PCDHA6: variants seen among roughly 807,000 people sequenced by gnomAD.
The protein encoded by PCDHA6 is protocadherin alpha-6.
In PCDHA6, 55 loss-of-function variants were observed where a neutral mutation model predicts 60.3. The ratio of observed to expected loss-of-function variants is 0.91; its 90% CI spans 0.73 to 1.14. The LOEUF is 1.14. Ranked by LOEUF, PCDHA6 falls within the 50% of genes most tolerant of loss-of-function variation. The pLI is 0.00. For missense variants in PCDHA6, 1,327 were observed against 1,256.5 expected (o/e 1.06, Z -0.85); for synonymous variants, 652 against 557.9 (o/e 1.17, Z -2.38).
intron 1 of PCDHA6, among the ~76,000 whole-genome samples, chr5:140,938,177 C>A (rs1165477047): frequency 6.6e-6 from 1 of 152,110 alleles, no homozygotes; most frequent in African/African-American, 2.4e-5. Flanking sequence ...AGCTCCTGGG[C>A]TCAAGCAATC....
intron 1 of PCDHA6, among the ~76,000 whole-genome samples, chr5:140,897,478 G>T (rs1554187409): frequency 1.3e-5 from 2 of 151,844 alleles, no homozygotes; most frequent in African/African-American, 4.8e-5. Flanking sequence ...TGAGAATGAT[G>T]ATTTCCAATT....
At position 140,843,480 on chromosome 5, in the gene PCDHA6, C is replaced by A. The variant is rs2150360983; in HGVS notation, c.2394+12995C>A. 13 of 1,596,024 alleles carry A rather than the reference C, an allele frequency of 8.1e-6. 2 individuals carry two copies. The highest frequency in any genetic ancestry group is 1.1e-5 in the South Asian group (1 of 90,492). On this transcript the variant is annotated intron_variant, in intron 1 of 3. Coordinates refer to ENST00000529310, the MANE Select transcript of PCDHA6 (RefSeq NM_018909.4). Reference sequence around the variant, plus strand: ...GTGCTCACGCTGCTGCTGTACACTGCGCTGCGGTGCTCAGCACTGCCCACT... The same window carrying A: ...GTGCTCACGCTGCTGCTGTACACTGAGCTGCGGTGCTCAGCACTGCCCACT...
intron 1 of PCDHA6, among the ~76,000 whole-genome samples, chr5:140,838,075 ATAGTGTGTGTGTGTGTGTGTGTGTGTGT>A (rs1454166175): frequency 1.6e-5 from 2 of 128,136 alleles, no homozygotes; most frequent in Non-Finnish European, 3.3e-5. Flanking sequence ...TTATATATAT[ATAGTGTGTGTGTGTGTGTGTGTGTGTGT>A]GTGTGTGTGT....
intron 1 of PCDHA6, among the ~76,000 whole-genome samples, chr5:140,974,086 A>G (rs1554235813): frequency 2.6e-5 from 4 of 152,256 alleles, no homozygotes; most frequent in Non-Finnish European, 5.9e-5. Context: ...CATGACTTCA[A>G]AAATCAAAGG....
chr5:140,854,329 T>C lies in PCDHA6; in HGVS notation c.2394+23844T>C, dbSNP rs1380061038. The C allele has an allele frequency of 1.9e-5, 4 of 216,048 alleles. 1 individual carries two copies. The highest frequency in any genetic ancestry group is 3.1e-5 in the Non-Finnish European group (4 of 127,638). 13.4% of individuals were successfully genotyped at this position (216,048 alleles called of 1,614,324 possible). ...AGATGATTGATCAATGGCAAACTTA[T>C]TTTACGCTCCAGATAGCTAAAACAA... On this transcript the variant is annotated intron_variant, in intron 1 of 3. Coordinates refer to ENST00000529310, the MANE Select transcript of PCDHA6 (RefSeq NM_018909.4).
intron 2 of PCDHA6, among the ~76,000 whole-genome samples, chr5:140,979,714 T>G (rs1428916313): frequency 4.6e-5 from 7 of 152,270 alleles, no homozygotes; most frequent in African/African-American, 1.7e-4. Context: ...TGATCCAGTA[T>G]CCATGCCATG....
At chr5:140,858,446 T>G (rs782631209) in intron 1 of PCDHA6, 6 of 1,533,560 alleles carry the variant, frequency 3.9e-6, no homozygotes, top group Non-Finnish European at 5.3e-6. Flanking sequence ...GGTGGGTTAT[T>G]ACGTTTTCAT....
chr5:140,977,442 T>C (rs746141638), intron 1 of PCDHA6, among the ~76,000 whole-genome samples: 1 of 152,186 alleles, frequency 6.6e-6, no homozygotes. Flanking sequence ...TAGTAGATAA[T>C]GGAAACTCCT....
chr5:140,901,599 A>C (rs1196199794), intron 1 of PCDHA6, among the ~76,000 whole-genome samples: 1 of 152,132 alleles, frequency 6.6e-6, no homozygotes, highest in Non-Finnish European at 1.5e-5. Flanking sequence ...TTTGGTTACT[A>C]TATCTCTATG....
At chr5:140,953,810 C>T (rs918101590) in intron 1 of PCDHA6, among the ~76,000 whole-genome samples, 5 of 152,190 alleles carry the variant, frequency 3.3e-5, no homozygotes, top group South Asian at 2.1e-4. Context: ...TTCTGAGGTG[C>T]ATGTGCTAGT....
At chr5:140,892,998 AT>A (rs2063775886) in intron 1 of PCDHA6, among the ~76,000 whole-genome samples, 1 of 152,170 alleles carries the variant, frequency 6.6e-6, no homozygotes, top group South Asian at 2.1e-4. Context: ...GAGAACATGT[AT>A]TTATTTTTCT....
intron 1 of PCDHA6, chr5:140,870,820 G>A (rs1554164732): frequency 6.2e-7 from 1 of 1,613,748 alleles, no homozygotes; most frequent in Non-Finnish European, 8.5e-7. Context: ...TGGCAGCGCG[G>A]GAGGCGCAGT....
chr5:140,869,730 T>G (rs1319130298), intron 1 of PCDHA6: 24 of 1,613,274 alleles, frequency 1.5e-5, no homozygotes, highest in Non-Finnish European at 2.0e-5. Context: ...CGGAACTTAA[T>G]TTGCTGCTAA....
chr5:140,939,488 T>C (rs1554212750), intron 1 of PCDHA6, among the ~76,000 whole-genome samples: 1 of 151,188 alleles, frequency 6.6e-6, no homozygotes, highest in Non-Finnish European at 1.5e-5. Flanking sequence ...AGAATGTTAA[T>C]TATAAATTCA....
intron 1 of PCDHA6, chr5:140,856,268 C>T: frequency 1.3e-6 from 2 of 1,598,206 alleles, no homozygotes; most frequent in Admixed American, 1.7e-5. Context: ...CGGGGACCTT[C>T]TGGAGGTAAA....
At chr5:140,978,672 G>C (rs2096816199) in intron 1 of PCDHA6, among the ~76,000 whole-genome samples, 1 of 152,256 alleles carries the variant, frequency 6.6e-6, no homozygotes, top group African/African-American at 2.4e-5. Context: ...TAAGAACACA[G>C]ACATGTATTG....
intron 1 of PCDHA6, chr5:140,866,360 T>C (rs2049301570): frequency 6.6e-6 from 1 of 152,128 alleles, no homozygotes; most frequent in South Asian, 2.1e-4. Context: ...GTTTACAATA[T>C]TGCATACTTC....
chr5:140,902,211 T>C (rs1256912603), intron 1 of PCDHA6, among the ~76,000 whole-genome samples: 4 of 150,332 alleles, frequency 2.7e-5, no homozygotes, highest in African/African-American at 9.8e-5. Context: ...TTCTTTTTTT[T>C]TTTTTTTTTT....
At chr5:140,931,779 T>G (rs1298337220) in intron 1 of PCDHA6, among the ~76,000 whole-genome samples, 1 of 152,006 alleles carries the variant, frequency 6.6e-6, no homozygotes, top group African/African-American at 2.4e-5. Context: ...CCTGTTCAAT[T>G]ACCTATTGAT....
Sources: gnomAD v4.1 joint callset for allele counts (sites outside exome capture counted in the v4.1 genomes callset) on GRCh38, gnomAD v4.1.1 for gene constraint, MANE v1.5 for transcripts, NCBI Gene and HGNC (gene_info 2026-07-23, HGNC 2026-07-21) for gene names.